LUC7L2: variants seen among roughly 807,000 people sequenced by gnomAD.
The protein encoded by LUC7L2 is LUC7 like 2, pre-mRNA splicing factor, also known as putative RNA-binding protein Luc7-like 2.
Under a neutral mutation model 52.8 loss-of-function variants are expected in LUC7L2, and 25 were observed. That is an observed-to-expected ratio of 0.47 (90% CI 0.34 to 0.66). The LOEUF (loss-of-function observed/expected upper bound fraction) is 0.66. LUC7L2 is among the 30% of genes least tolerant of loss of function. The pLI, the probability that LUC7L2 is intolerant of heterozygous loss-of-function variation, is 0.01. For missense variants in LUC7L2, 328 were observed against 497.8 expected (o/e 0.66, Z 3.25); for synonymous variants, 144 against 160.9 (o/e 0.89, Z 0.80).
At position 139,359,975 on chromosome 7, in the gene LUC7L2, A is replaced by C. The variant is rs543703182; in HGVS notation, c.-287A>C. The C allele has an allele frequency of 5.4e-4, 232 of 425,814 alleles. 1 individual carries two copies. The highest frequency in any genetic ancestry group is 6.0e-4 in the Non-Finnish European group (144 of 240,320). The allele number at this position is 425,814 out of a possible 1,614,324, so 26.4% of individuals were successfully genotyped here. A position where few individuals can be genotyped will look rare whatever the true frequency, so the allele number is the denominator to read the frequency against. ...CGGCTTCTGGCGGGTGGCGGTGTTG[A>C]AGGCGAGAGCTTGCTTGGCCCGTGT... On this transcript the variant is annotated 5_prime_UTR_variant, in exon 1 of 10. Coordinates refer to ENST00000354926, the MANE Select transcript of LUC7L2 (RefSeq NM_016019.5).
At chr7:139,379,522 C>T (rs1283622751) in intron 2 of LUC7L2, among the ~76,000 whole-genome samples, 3 of 120,250 alleles carry the variant, frequency 2.5e-5, no homozygotes. Flanking sequence ...CAACATTTTA[C>T]CTTTCATTAT....
intron 1 of LUC7L2, among the ~76,000 whole-genome samples, chr7:139,367,605 C>T (rs981516582): frequency 5.9e-5 from 9 of 152,134 alleles, no homozygotes; most frequent in African/African-American, 2.2e-4. Context: ...ATCTTTTGTG[C>T]AAATCTCATA....
chr7:139,409,688 A>G, intron 7 of LUC7L2, 34 bp downstream of exon 7: 1 of 1,560,130 alleles, frequency 6.4e-7, no homozygotes, highest in Non-Finnish European at 8.7e-7. Flanking sequence ...TTGAAGTTGA[A>G]TCTCTGTGGT....
intron 2 of LUC7L2, among the ~76,000 whole-genome samples, chr7:139,385,096 AT>A (rs1462872595): frequency 6.6e-6 from 1 of 152,090 alleles, no homozygotes; most frequent in African/African-American, 2.4e-5. Context: ...ACTTTTGTGT[AT>A]TACTTGTATT....
chr7:139,377,688 G>T (rs1220540598), intron 2 of LUC7L2, among the ~76,000 whole-genome samples: 2 of 151,948 alleles, frequency 1.3e-5, no homozygotes, highest in African/African-American at 4.8e-5. Context: ...CACCGTGCCC[G>T]GCCCTAATTT....
At chr7:139,340,743 G>C (rs1798899750) in intron 1 of LUC7L2, 1 of 379,786 alleles carries the variant, frequency 2.6e-6, no homozygotes, top group South Asian at 1.5e-4. Context: ...CCTAAGCCAG[G>C]GATTGTGGGT....
chr7:139,365,655 A>G (rs548407598), intron 1 of LUC7L2, among the ~76,000 whole-genome samples: 1 of 152,320 alleles, frequency 6.6e-6, no homozygotes, highest in African/African-American at 2.4e-5. Context: ...GGGCAAGACT[A>G]GTTAAATGAG....
chr7:139,399,571 G>A (rs1014887880), intron 3 of LUC7L2, among the ~76,000 whole-genome samples: 6 of 143,280 alleles, frequency 4.2e-5, no homozygotes, highest in African/African-American at 1.5e-4. Context: ...CCGGGTTCAT[G>A]CTGTTCTGCT....
At position 139,422,063 on chromosome 7, in the gene LUC7L2, A is replaced by G. The variant is rs887366385; in HGVS notation, c.1002-100A>G. The G allele has an allele frequency of 4.8e-5, 70 of 1,463,968 alleles. No homozygotes were observed. The African/African-American group carries it at 5.3e-4, about 11-fold the overall frequency. 90.7% of individuals were successfully genotyped at this position (1,463,968 alleles called of 1,614,324 possible). ...TCCTCTGTCATGGGTATATTCGTCT[A>G]TATATCTTCAGCTATCAAGAGCTTA... On this transcript the variant is annotated intron_variant, in intron 9 of 9. Coordinates refer to ENST00000354926, the MANE Select transcript of LUC7L2 (RefSeq NM_016019.5).
chr7:139,411,821 A>C (rs536624513), intron 7 of LUC7L2, among the ~76,000 whole-genome samples: 1 of 152,310 alleles, frequency 6.6e-6, no homozygotes, highest in East Asian at 1.9e-4. Flanking sequence ...AAGAGTATGT[A>C]GATCTCAGAC....
intron 1 of LUC7L2, chr7:139,340,695 C>T (rs763465046): frequency 4.8e-4 from 190 of 391,828 alleles, no homozygotes; most frequent in Middle Eastern, 3.2e-3. Context: ...GCGTCGTTTG[C>T]AGAAGCCCCA....
intron 1 of LUC7L2, chr7:139,345,696 G>C (rs1264234125): frequency 6.2e-7 from 1 of 1,614,002 alleles, no homozygotes; most frequent in Admixed American, 1.7e-5. Flanking sequence ...GAAGGGCTGG[G>C]AGCCATGAAC....
At chr7:139,340,919 T>C (rs1798916645) in intron 1 of LUC7L2, among the ~76,000 whole-genome samples, 1 of 152,138 alleles carries the variant, frequency 6.6e-6, no homozygotes, top group African/African-American at 2.4e-5. Flanking sequence ...CCCATGTCCT[T>C]TGTCTGAGCC....
At chr7:139,350,254 T>C (rs1799408867) in intron 1 of LUC7L2, among the ~76,000 whole-genome samples, 1 of 152,124 alleles carries the variant, frequency 6.6e-6, no homozygotes. Flanking sequence ...CCTGAGTAGC[T>C]GGGACTACAG....
At chr7:139,400,597 C>T (rs749702631) in intron 3 of LUC7L2, among the ~76,000 whole-genome samples, 2 of 152,162 alleles carry the variant, frequency 1.3e-5, no homozygotes, top group Non-Finnish European at 2.9e-5. Context: ...GTGGTTTCTT[C>T]TGGCATATTT....
At chr7:139,421,299 G>A (rs1795894001) in intron 9 of LUC7L2, among the ~76,000 whole-genome samples, 2 of 152,170 alleles carry the variant, frequency 1.3e-5, no homozygotes, top group African/African-American at 4.8e-5. Context: ...GGTTGAGTGA[G>A]ATAATTATGT....
At chr7:139,392,182 A>G (rs1223837776) in intron 2 of LUC7L2, 1 of 163,104 alleles carries the variant, frequency 6.1e-6, no homozygotes, top group African/African-American at 2.4e-5. Flanking sequence ...GTTAAACTTT[A>G]TTCTCCATTT....
chr7:139,413,696 T>C (rs1267014647), intron 8 of LUC7L2, among the ~76,000 whole-genome samples: 1 of 152,192 alleles, frequency 6.6e-6, no homozygotes, highest in Non-Finnish European at 1.5e-5. Flanking sequence ...GAGAATCACT[T>C]GAACCCAGGA....
In LUC7L2 at chr7:139,363,976, C is replaced by CTT. The variant is rs1169793101; in HGVS notation, c.61+3680_61+3681dup. ...TGAGGGTGTGGATTTAGATTACATC[C>CTT]TTTTTTTTTTTTTTTTTTTTTTTTT... On this transcript the variant is annotated intron_variant, in intron 1 of 9. Transcript: ENST00000354926. 1.2e-3 allele frequency among the ~76,000 whole-genome samples: 117 copies of CTT among 96,098 alleles called. 7 individuals carry two copies. The highest frequency in any genetic ancestry group is 1.8e-3 in the African/African-American group (31 of 17,264). 63.0% of individuals were successfully genotyped at this position (96,098 alleles called of 152,430 possible).
Sources: allele counts gnomAD v4.1 joint callset (sites outside exome capture counted in the v4.1 genomes callset), GRCh38; gene constraint gnomAD v4.1.1; transcripts MANE v1.5; gene names NCBI Gene and HGNC (gene_info 2026-07-23, HGNC 2026-07-21).